The following LIN28A variants were observed in gnomAD, a reference collection of about 807,000 sequenced individuals.
The protein encoded by LIN28A is lin-28 RNA binding posttranscriptional regulator A.
Under a neutral mutation model 21.1 loss-of-function variants are expected in LIN28A, and 11 were observed. That is an observed-to-expected ratio of 0.52 (90% CI 0.33 to 0.86). The LOEUF (loss-of-function observed/expected upper bound fraction) is 0.86. Ranked by LOEUF, LIN28A falls within the 40% of genes least tolerant of loss-of-function variation. LIN28A has a pLI of 0.03. For missense variants in LIN28A, 219 were observed against 279.8 expected (o/e 0.78, Z 1.55); for synonymous variants, 111 against 108.7 (o/e 1.02, Z -0.13).
At chr1:26,415,184 CA>C (rs2074985686) in intron 2 of LIN28A, among the ~76,000 whole-genome samples, 1 of 152,084 alleles carries the variant, frequency 6.6e-6, no homozygotes, top group African/African-American at 2.4e-5. Context: ...CAGATTTGAC[CA>C]AGGGACCAAG....
intron 2 of LIN28A, among the ~76,000 whole-genome samples, chr1:26,425,064 AC>A (rs1242211698): frequency 6.6e-6 from 1 of 152,128 alleles, no homozygotes; most frequent in African/African-American, 2.4e-5. Context: ...TTTATTAAGA[AC>A]TTTAAACCTG....
rs2074956796 is a variant in LIN28A, at chr1:26,411,249, T to C, written c.32-137T>C. 1.1e-6 allele frequency: 1 copy of C among 873,310 alleles called. No individual in the cohort carries two copies. Among genetic ancestry groups the C allele is most frequent in the Admixed American group, 3.0e-5 (1 of 33,614 alleles). The allele number at this position is 873,310 out of a possible 1,614,324, so 54.1% of individuals were successfully genotyped here. ...GGAGGCGACCGGGATAGGTTTCTTC[T>C]CTTCTGTTGCTTGGTAGCTGCCCCC... is the stretch of plus-strand genomic sequence containing the variant. On this transcript the variant is annotated intron_variant, in intron 1 of 3. Transcript: ENST00000326279. The surrounding 1 kb of genome is among the most constrained non-coding windows in gnomAD (Gnocchi z 5.4).
intron 2 of LIN28A, among the ~76,000 whole-genome samples, chr1:26,417,873 C>G (rs1254510153): frequency 6.6e-6 from 1 of 152,172 alleles, no homozygotes; most frequent in Non-Finnish European, 1.5e-5. Context: ...TGGAATGGCC[C>G]TGGAAGAAGA....
chr1:26,424,226 G>A (rs760497124), intron 2 of LIN28A, among the ~76,000 whole-genome samples: 31 of 151,814 alleles, frequency 2.0e-4, no homozygotes, highest in Middle Eastern at 3.2e-3. Flanking sequence ...GCTTCATAGC[G>A]TGACATTTTA....
intron 2 of LIN28A, among the ~76,000 whole-genome samples, chr1:26,419,764 G>T (rs1040870981): frequency 1.3e-5 from 2 of 152,098 alleles, no homozygotes; most frequent in African/African-American, 2.4e-5. Context: ...ATCAACCCTT[G>T]TTCTTAACTA....
intron 2 of LIN28A, among the ~76,000 whole-genome samples, chr1:26,418,873 T>A (rs2075012764): frequency 6.6e-6 from 1 of 151,862 alleles, no homozygotes; most frequent in Non-Finnish European, 1.5e-5. Context: ...TTCTCTCCCG[T>A]GACCATAACC....
chr1:26,425,608 G>A (rs977617583), intron 3 of LIN28A, 121 bp downstream of exon 3: 3 of 935,692 alleles, frequency 3.2e-6, no homozygotes, highest in Non-Finnish European at 4.8e-6. Flanking sequence ...GCAGCATCTG[G>A]AAGGCTGAGC....
At chr1:26,414,760 G>T (rs528391223) in intron 2 of LIN28A, among the ~76,000 whole-genome samples, 1 of 152,276 alleles carries the variant, frequency 6.6e-6, no homozygotes, top group African/African-American at 2.4e-5. Context: ...ATTATAGGAT[G>T]TACAGCAGTA....
In LIN28A at chr1:26,417,794, T is replaced by C. The variant is rs2075002424; in HGVS notation, c.228+6212T>C. On this transcript the variant is annotated intron_variant, in intron 2 of 3. Transcript: ENST00000326279. Reference sequence around the variant, plus strand: ...GTTATTTTGCATAGTACTTAGACATTCAACAAATGCTTGTGCAAGCTAAGA... The same window carrying C: ...GTTATTTTGCATAGTACTTAGACATCCAACAAATGCTTGTGCAAGCTAAGA... Among the ~76,000 whole-genome samples, 4 of 152,184 alleles carry C rather than the reference T, an allele frequency of 2.6e-5. No homozygotes were observed. In the South Asian group the frequency reaches 8.3e-4, roughly 31 times the overall value.
chr1:26,421,046 G>C (rs2124297423), intron 2 of LIN28A, among the ~76,000 whole-genome samples: 1 of 151,614 alleles, frequency 6.6e-6, no homozygotes, highest in South Asian at 2.1e-4. Flanking sequence ...CTTGATGGCT[G>C]CTGGCTGTTT....
intron 2 of LIN28A, among the ~76,000 whole-genome samples, chr1:26,423,686 A>T (rs1156424464): frequency 1.3e-5 from 2 of 151,988 alleles, no homozygotes; most frequent in Non-Finnish European, 2.9e-5. Context: ...TGCTGGGATT[A>T]CAGGCATGAG....
At chr1:26,426,165 A>C (rs1272020231) in intron 3 of LIN28A, 77 bp from the exon 4 acceptor site, 4 of 1,175,982 alleles carry the variant, frequency 3.4e-6, no homozygotes, top group Non-Finnish European at 5.1e-6. Flanking sequence ...ACCAGAGCCC[A>C]GGTGTCCTCA....
chr1:26,419,899 C>G (rs2075018558), intron 2 of LIN28A, among the ~76,000 whole-genome samples: 1 of 152,142 alleles, frequency 6.6e-6, no homozygotes, highest in South Asian at 2.1e-4. Flanking sequence ...GACCTCCCAA[C>G]TCACCCACTA....
rs956836794 is a variant in LIN28A, at chr1:26,427,790, A to G, written c.*1332A>G. The stretch of plus-strand genomic sequence containing the variant: ...GGATGGATATATGAAGTAAGGTGAG[A>G]TCCTTAACCTTTCAAAATTTTCGGG... On this transcript the variant is annotated 3_prime_UTR_variant, in exon 4 of 4. Transcript: ENST00000326279. 1.8e-4 allele frequency: 27 copies of G among 152,356 alleles called. No individual in the cohort carries two copies. Among genetic ancestry groups the G allele is most frequent in the African/African-American group, 6.0e-4 (25 of 41,412 alleles). The allele number at this position is 152,356 out of a possible 1,614,324, so 9.4% of individuals were successfully genotyped here. A position where few individuals can be genotyped will look rare whatever the true frequency, so the allele number is the denominator to read the frequency against.
At position 26,411,591 on chromosome 1, in the gene LIN28A, G is replaced by T; in HGVS notation, c.228+9G>T. The T allele has an allele frequency of 6.8e-6, 11 of 1,607,850 alleles. No individual in the cohort carries two copies. Among genetic ancestry groups the T allele is most frequent in the Non-Finnish European group, 8.5e-6 (10 of 1,178,332 alleles). ...ATGTCTTTGTGCACCAGGTGAGACT[G>T]ATTCCGGTAACTTTGCCCAGGGAAG... On this transcript the variant is annotated intron_variant, in intron 2 of 3. Coordinates refer to ENST00000326279, the MANE Select transcript of LIN28A (RefSeq NM_024674.6). This position sits in a 1 kb window ranked among gnomAD's most constrained non-coding sequence, Gnocchi z 5.4.
At chr1:26,414,605 T>C (rs1353320601) in intron 2 of LIN28A, among the ~76,000 whole-genome samples, 2 of 152,280 alleles carry the variant, frequency 1.3e-5, no homozygotes, top group African/African-American at 2.4e-5. Flanking sequence ...CTCTTTTCCT[T>C]AGGTACACAT....
intron 2 of LIN28A, among the ~76,000 whole-genome samples, chr1:26,417,864 G>A (rs58819760): frequency 0.074 from 11,302 of 152,226 alleles, 506 homozygotes; most frequent in East Asian, 0.19. Flanking sequence ...TCTTCCGGCT[G>A]GAATGGCCCT....
At position 26,428,997 on chromosome 1, in the gene LIN28A, T is replaced by A. The variant is rs2075076852; in HGVS notation, c.*2539T>A. 6.6e-6 allele frequency: 1 copy of A among 152,240 alleles called. No homozygotes were observed. The highest frequency in any genetic ancestry group is 6.5e-5 in the Admixed American group (1 of 15,276). 9.4% of individuals were successfully genotyped at this position (152,240 alleles called of 1,614,324 possible). The stretch of plus-strand genomic sequence containing the variant: ...CTGGCCAACACAGTGAAACCCCGTC[T>A]CTACTAAAATACAAAAAAATTAGCC... On this transcript the variant is annotated 3_prime_UTR_variant, in exon 4 of 4. Transcript: ENST00000326279.
Position 26,411,550 on chromosome 1 carries a change from C to T in LIN28A, c.196C>T (p.Leu66Phe). The T allele has an allele frequency of 6.2e-7, 1 of 1,613,868 alleles. No individual in the cohort carries two copies. The highest frequency in any genetic ancestry group is 8.5e-7 in the Non-Finnish European group (1 of 1,179,930). The change falls in exon 2 of 4, where the codon CTC (leucine) becomes TTC (phenylalanine). Residue 66 changes from leucine to phenylalanine, a missense_variant. By Grantham distance (22) the Leu-to-Phe change is conservative. Transcript: ENST00000326279. This position sits in a 1 kb window ranked among gnomAD's most constrained non-coding sequence, Gnocchi z 5.4. ...CATGACCGCCCGCGCCGGGGTCGCG[C>T]TCGACCCCCCAGTGGATGTCTTTGT... ...LSMTARAGVA[L>F]DPPVDVFVHQ...
Sources: gnomAD v4.1 joint callset for allele counts (sites outside exome capture counted in the v4.1 genomes callset) on GRCh38, gnomAD v4.1.1 for gene constraint, Gnocchi (gnomAD v3.1) non-coding constraint, MANE v1.5 for transcripts, NCBI Gene and HGNC (gene_info 2026-07-23, HGNC 2026-07-21) for gene names.